The following SCFD2 variants were observed in gnomAD, a reference collection of about 807,000 sequenced individuals.
SCFD2 encodes sec1 family domain containing 2.
In SCFD2, 54 loss-of-function variants were observed where a neutral mutation model predicts 58.9. The observed-to-expected ratio is 0.92, with a 90% CI of 0.74 to 1.15. The LOEUF is 1.15. Among genes scored for constraint, SCFD2 ranks in the 50% most tolerant of loss-of-function variants. The probability of loss-of-function intolerance (pLI) is 0.00; values close to 1 mark genes in which losing one functional copy is unlikely to be tolerated. For synonymous variants in SCFD2, 321 were observed against 335.9 expected, an observed-to-expected ratio of 0.96 and a Z score of 0.49; for missense variants, 805 against 836.6, an observed-to-expected ratio of 0.96 and a Z score of 0.47.
At chr4:53,339,292 A>C (rs1187034234) in intron 2 of SCFD2, among the ~76,000 whole-genome samples, 2 of 151,624 alleles carry the variant, frequency 1.3e-5, no homozygotes, top group African/African-American at 4.8e-5. Flanking sequence ...AAATTACATC[A>C]GTAGATTGAG....
chr4:52,901,100 C>T (rs903072429), intron 7 of SCFD2, among the ~76,000 whole-genome samples: 7 of 152,230 alleles, frequency 4.6e-5, no homozygotes, highest in East Asian at 1.9e-4. Flanking sequence ...CCAGGTGAGG[C>T]GATGCCTCGA....
chr4:53,153,170 G>T (rs1201774751), intron 4 of SCFD2, among the ~76,000 whole-genome samples: 1 of 152,126 alleles, frequency 6.6e-6, no homozygotes, highest in Non-Finnish European at 1.5e-5. Flanking sequence ...AATCTGTGTG[G>T]GGGCACCAAC....
chr4:53,302,984 A>G (rs1250384671), intron 3 of SCFD2, among the ~76,000 whole-genome samples: 1 of 152,212 alleles, frequency 6.6e-6, no homozygotes, highest in African/African-American at 2.4e-5. Flanking sequence ...GTTAGACCTA[A>G]AACCATAAAA....
At chr4:52,884,230 G>A (rs1718683495) in intron 8 of SCFD2, among the ~76,000 whole-genome samples, 1 of 152,190 alleles carries the variant, frequency 6.6e-6, no homozygotes. Flanking sequence ...TGGGGATGTG[G>A]GTAGATATGT....
chr4:53,005,048 C>T (rs937856691), intron 5 of SCFD2, among the ~76,000 whole-genome samples: 8 of 152,166 alleles, frequency 5.3e-5, no homozygotes, highest in African/African-American at 1.7e-4. Context: ...CAGGCATGTG[C>T]CACCACATCC....
intron 4 of SCFD2, among the ~76,000 whole-genome samples, chr4:53,215,022 T>C (rs1218130018): frequency 6.6e-6 from 1 of 152,170 alleles, no homozygotes; most frequent in Non-Finnish European, 1.5e-5. Flanking sequence ...ATCTCTGTTT[T>C]GGTACCAGTA....
At chr4:53,064,769 C>T (rs1434987140) in intron 5 of SCFD2, among the ~76,000 whole-genome samples, 1 of 152,120 alleles carries the variant, frequency 6.6e-6, no homozygotes, top group Non-Finnish European at 1.5e-5. Context: ...CAATTTATAA[C>T]ACTCTGGACA....
In SCFD2 at chr4:53,145,418, A is replaced by G. The variant is rs750787042; in HGVS notation, c.1476T>C (p.Cys492=). The G allele has an allele frequency of 2.5e-6, 4 of 1,614,136 alleles. No homozygotes were observed. The highest frequency in any genetic ancestry group is 2.5e-6 in the Non-Finnish European group (3 of 1,179,984). ...TGELTVDKDL[C]EAEEKVKKAL... is the part of the protein sequence containing the mutation. ...CTTTCTTGACTTTTTCTTCTGCTTCACACAGGTCTTTGTCTACCGTGAGCT... is the reference window on the plus strand; with the variant it reads ...CTTTCTTGACTTTTTCTTCTGCTTCGCACAGGTCTTTGTCTACCGTGAGCT... The change falls in exon 5 of 9, where the codon TGT becomes TGC. Residue 492 remains cysteine, a synonymous_variant. Coordinates refer to ENST00000401642, the MANE Select transcript of SCFD2 (RefSeq NM_152540.4).
chr4:53,200,847 A>C (rs78823367), intron 4 of SCFD2, among the ~76,000 whole-genome samples: 28 of 151,668 alleles, frequency 1.8e-4, no homozygotes, highest in Non-Finnish European at 3.5e-4. Context: ...GATTCAGTTC[A>C]GTCATTCATC....
intron 2 of SCFD2, among the ~76,000 whole-genome samples, chr4:53,352,146 AT>A (rs1231769637): frequency 5.9e-5 from 9 of 152,222 alleles, no homozygotes; most frequent in African/African-American, 1.2e-4. Context: ...GTGAAAAAAA[AT>A]ATACTTAGAA....
chr4:52,915,100 T>C (rs978855454), intron 6 of SCFD2, among the ~76,000 whole-genome samples: 2 of 152,208 alleles, frequency 1.3e-5, no homozygotes, highest in South Asian at 4.1e-4. Context: ...GCAGTGAGTA[T>C]AGCAGCAGTT....
chr4:53,210,155 G>C (rs1015010173), intron 4 of SCFD2, among the ~76,000 whole-genome samples: 1 of 152,048 alleles, frequency 6.6e-6, no homozygotes, highest in African/African-American at 2.4e-5. Flanking sequence ...TATCTGTACT[G>C]GATAGACTCT....
At chr4:53,083,088 C>G (rs976562949) in intron 5 of SCFD2, among the ~76,000 whole-genome samples, 5 of 151,842 alleles carry the variant, frequency 3.3e-5, no homozygotes, top group African/African-American at 1.2e-4. Context: ...ATAACAAATA[C>G]CTAAAAATGT....
intron 4 of SCFD2, among the ~76,000 whole-genome samples, chr4:53,204,354 G>A (rs1024468404): frequency 4.0e-5 from 6 of 151,706 alleles, no homozygotes; most frequent in East Asian, 1.9e-4. Flanking sequence ...GAAAAACTAA[G>A]AGAAAATATT....
At chr4:53,330,063 C>A (rs890842698) in intron 2 of SCFD2, among the ~76,000 whole-genome samples, 1 of 151,388 alleles carries the variant, frequency 6.6e-6, no homozygotes, top group Non-Finnish European at 1.5e-5. Flanking sequence ...TAAAAAGAAA[C>A]AAACAAAGCC....
At chr4:52,904,122 C>T (rs991066846) in intron 7 of SCFD2, among the ~76,000 whole-genome samples, 6 of 152,186 alleles carry the variant, frequency 3.9e-5, no homozygotes, top group Non-Finnish European at 7.3e-5. Context: ...CCCTCATCCC[C>T]GCACAGTCTA....
intron 5 of SCFD2, chr4:52,950,871 C>G (rs1159743223): frequency 6.6e-6 from 1 of 152,046 alleles, no homozygotes; most frequent in African/African-American, 2.4e-5. Context: ...CATTCGGGAA[C>G]AGATACCAGC....
At chr4:53,226,697 G>A (rs933431036) in intron 4 of SCFD2, among the ~76,000 whole-genome samples, 7 of 151,948 alleles carry the variant, frequency 4.6e-5, no homozygotes, top group African/African-American at 7.2e-5. Flanking sequence ...TAAATTAATT[G>A]AATTATTTAA....
chr4:53,145,035 C>T (rs369186819), intron 5 of SCFD2, among the ~76,000 whole-genome samples: 1 of 152,288 alleles, frequency 6.6e-6, no homozygotes, highest in African/African-American at 2.4e-5. Context: ...GTGAAGTGCA[C>T]ATATGAGGGA....
Sources: allele counts gnomAD v4.1 joint callset (sites outside exome capture counted in the v4.1 genomes callset), GRCh38; gene constraint gnomAD v4.1.1; transcripts MANE v1.5; gene names NCBI Gene and HGNC (gene_info 2026-07-23, HGNC 2026-07-21).